The following WNK1 variants were observed in gnomAD, a reference collection of about 807,000 sequenced individuals.
WNK1 encodes the protein WNK lysine deficient protein kinase 1.
A neutral mutation model predicts 222.8 loss-of-function variants in WNK1; 38 were observed. The ratio of observed to expected loss-of-function variants is 0.17; its 90% confidence interval spans 0.13 to 0.22. The LOEUF (loss-of-function observed/expected upper bound fraction) is 0.22, where lower values mean the gene tolerates loss of function less well. Among genes scored for constraint, WNK1 ranks in the 10% least tolerant of loss-of-function variants. The pLI, the probability that WNK1 is intolerant of heterozygous loss-of-function variation, is 1.00. For synonymous variants in WNK1, 1,090 were observed against 1,092.9 expected (o/e 1.00, Z 0.05); for missense variants, 2,348 against 2,918.4 (o/e 0.80, Z 4.50).
At chr12:878,793 T>TTTTTTTTTTTTTGAGATGGAG (rs1232396400) in intron 10 of WNK1, among the ~76,000 whole-genome samples, 1 of 151,578 alleles carries the variant, frequency 6.6e-6, no homozygotes, top group Non-Finnish European at 1.5e-5. Flanking sequence ...ATGTTTTTTT[T>TTTTTTTTTTTTTGAGATGGAG]TCTTAAGTAG....
chr12:775,831 G>T (rs1430737818), intron 1 of WNK1, among the ~76,000 whole-genome samples: 2 of 152,116 alleles, frequency 1.3e-5, no homozygotes, highest in East Asian at 1.9e-4. Context: ...CCTGAATGAG[G>T]TATCAGTCCC....
chr12:827,515 C>A lies in WNK1; in HGVS notation c.1153+253C>A. ...TTGTTGATAAAACCTAATGTAATAGCCTTTTTTGTTGTTGTTGTTGTTGTT... is the reference window on the plus strand; with the variant it reads ...TTGTTGATAAAACCTAATGTAATAGACTTTTTTGTTGTTGTTGTTGTTGTT... On this transcript the variant is annotated intron_variant, in intron 3 of 27. Coordinates refer to ENST00000315939, the MANE Select transcript of WNK1 (RefSeq NM_018979.4). The surrounding 1 kb of genome is among the most constrained non-coding windows in gnomAD (Gnocchi z 4.6). The A allele has an allele frequency of 3.9e-6, 2 of 516,834 alleles. No individual in the cohort carries two copies. Among genetic ancestry groups the A allele is most frequent in the East Asian group, 3.1e-5 (1 of 32,524 alleles). 32.0% of individuals were successfully genotyped at this position (516,834 alleles called of 1,614,324 possible).
chr12:869,023 C>A (rs1448789981), intron 8 of WNK1: 1 of 1,611,674 alleles, frequency 6.2e-7, no homozygotes, highest in African/African-American at 1.3e-5. Context: ...CCCCACTTTT[C>A]TTCTGTTTCC....
intron 1 of WNK1, among the ~76,000 whole-genome samples, chr12:801,008 C>T (rs1039835440): frequency 6.6e-6 from 1 of 152,140 alleles, no homozygotes; most frequent in Non-Finnish European, 1.5e-5. Context: ...GGTATTGGTT[C>T]CTTTCTCAGG....
In WNK1 at chr12:752,916, C is replaced by T. The variant is rs955173865; in HGVS notation, c.-650C>T. ...GCCCGCTCCTCAGGCGCCGAGGCTC[C>T]GAGGCTCCGGCCCTTCGCCTCTGGG... On this transcript the variant is annotated 5_prime_UTR_variant, in exon 1 of 28. Transcript: ENST00000315939. The T allele has an allele frequency of 6.6e-6, 1 of 152,144 alleles. No individual in the cohort carries two copies. The highest frequency in any genetic ancestry group is 2.4e-5 in the African/African-American group (1 of 41,434). 9.4% of individuals were successfully genotyped at this position (152,144 alleles called of 1,614,324 possible). A position where few individuals can be genotyped will look rare whatever the true frequency, so the allele number is the denominator to read the frequency against.
chr12:879,515 T>TTTTTTTTTTTTTTTTTTTTTTTTTTTTC, intron 10 of WNK1, 58 bp from the exon 11 acceptor site: 1 of 144,642 alleles, frequency 6.9e-6, no homozygotes, highest in Non-Finnish European at 1.1e-5. Context: ...CAGCCTTGCT[T>TTTTTTTTTTTTTTTTTTTTTTTTTTTTC]TTTTTTTTTT....
At position 908,640 on chromosome 12, in the gene WNK1, T is replaced by C. The variant is rs1955898305; in HGVS notation, c.6997T>C (p.Phe2333Leu). 1 of 1,614,032 alleles carries C rather than the reference T, an allele frequency of 6.2e-7. No individual in the cohort carries two copies. Among genetic ancestry groups the C allele is most frequent in the African/African-American group, 1.3e-5 (1 of 74,908 alleles). The change falls in exon 28 of 28, where the codon TTT becomes CTT. Residue 2333 changes from phenylalanine (F) to leucine (L), a missense_variant. Physicochemically the swap from Phe to Leu is conservative, Grantham distance 22. This residue lies in a region of WNK1 where 76 missense variants were observed against 85.7 expected (regional missense o/e 0.89). Transcript: ENST00000315939. Reference sequence around the variant, plus strand: ...GCAGTATGGCTTTCCAGCTACCCCATTTGGCGCTCAATGGAGTGGGACGGG... The same window carrying C: ...GCAGTATGGCTTTCCAGCTACCCCACTTGGCGCTCAATGGAGTGGGACGGG... ...PQQYGFPATPFGAQWSGTGGP... is the reference protein window; with the variant it reads ...PQQYGFPATPLGAQWSGTGGP...
At chr12:787,886 T>A (rs1332378459) in intron 1 of WNK1, among the ~76,000 whole-genome samples, 1 of 152,158 alleles carries the variant, frequency 6.6e-6, no homozygotes, top group African/African-American at 2.4e-5. Flanking sequence ...ATCAGGTTTC[T>A]CCAAGGCAAC....
chr12:877,709 C>A (rs1952757217), intron 9 of WNK1, among the ~76,000 whole-genome samples: 1 of 152,084 alleles, frequency 6.6e-6, no homozygotes, highest in Admixed American at 6.5e-5. Context: ...TATTCCAAAT[C>A]CAGTGCTTTC....
At chr12:813,078 TAAA>T (rs1947049318) in intron 1 of WNK1, among the ~76,000 whole-genome samples, 1 of 151,854 alleles carries the variant, frequency 6.6e-6, no homozygotes, top group Non-Finnish European at 1.5e-5. Context: ...TACAAAAAAT[TAAA>T]AAATTAGCCG....
rs1955968986 is a variant in WNK1 at position 909,931 on chromosome 12, C to T, written c.*1139C>T. Reference sequence around the variant, plus strand: ...CATCAGTGGTTAAAAACAGAAAGTTCTGTTTCGGGAATAGTGAGGAGGGGG... The same window carrying T: ...CATCAGTGGTTAAAAACAGAAAGTTTTGTTTCGGGAATAGTGAGGAGGGGG... On this transcript the variant is annotated 3_prime_UTR_variant, in exon 28 of 28. Transcript: ENST00000315939. The T allele has an allele frequency of 6.6e-6, 1 of 152,184 alleles. No homozygotes were observed. Among genetic ancestry groups the T allele is most frequent in the African/African-American group, 2.4e-5 (1 of 41,410 alleles). The allele number at this position is 152,184 out of a possible 1,614,324, so 9.4% of individuals were successfully genotyped here.
At chr12:790,199 T>C (rs1004392607) in intron 1 of WNK1, among the ~76,000 whole-genome samples, 2 of 152,230 alleles carry the variant, frequency 1.3e-5, no homozygotes, top group Admixed American at 1.3e-4. Context: ...GGGGCTATAG[T>C]AGAATAGAAG....
At chr12:896,033 G>A in intron 23 of WNK1, 38 bp from the exon 24 acceptor site, 1 of 1,613,378 alleles carries the variant, frequency 6.2e-7, no homozygotes, top group South Asian at 1.1e-5. Context: ...ATTGGATATT[G>A]AGAACTTAAG....
chr12:754,948 T>C (rs1939772542), intron 1 of WNK1, among the ~76,000 whole-genome samples: 1 of 152,234 alleles, frequency 6.6e-6, no homozygotes, highest in Admixed American at 6.5e-5. Context: ...CCATTCACTA[T>C]ACAGCGAATA....
intron 4 of WNK1, among the ~76,000 whole-genome samples, chr12:830,376 C>G (rs1050990676): frequency 6.6e-6 from 1 of 152,136 alleles, no homozygotes; most frequent in Non-Finnish European, 1.5e-5. Context: ...CCTGTACCCA[C>G]CTTGCATTCA....
In WNK1 at chr12:753,014, G is replaced by C. The variant is rs562783817; in HGVS notation, c.-552G>C. ...GGAGGAGGCGGCCGCCCGAGTGACC[G>C]GGAGCCGGGCCGCGGCCTTCCCTCG... On this transcript the variant is annotated 5_prime_UTR_variant, in exon 1 of 28. Transcript: ENST00000315939. This position sits in a 1 kb window ranked among gnomAD's most constrained non-coding sequence, Gnocchi z 5.2. 1.3e-5 allele frequency: 2 copies of C among 152,084 alleles called. No individual in the cohort carries two copies. Among genetic ancestry groups the C allele is most frequent in the South Asian group, 2.1e-4 (1 of 4,836 alleles). The allele number at this position is 152,084 out of a possible 1,614,324, so 9.4% of individuals were successfully genotyped here. A position where few individuals can be genotyped will look rare whatever the true frequency, so the allele number is the denominator to read the frequency against.
intron 8 of WNK1, chr12:864,970 T>TAA: frequency 1.4e-6 from 1 of 733,874 alleles, no homozygotes; most frequent in South Asian, 2.2e-5. Flanking sequence ...ATAGCTCTCC[T>TAA]CAAAAAAAAA....
chr12:868,364 A>C, intron 8 of WNK1: 1 of 1,613,954 alleles, frequency 6.2e-7, no homozygotes, highest in Admixed American at 1.7e-5. Flanking sequence ...AAGTCCTATG[A>C]AACAGATACC....
intron 26 of WNK1, among the ~76,000 whole-genome samples, chr12:903,775 A>C (rs1416448347): frequency 3.3e-5 from 5 of 152,208 alleles, no homozygotes; most frequent in African/African-American, 1.2e-4. Context: ...GAAAGGAAAC[A>C]GGTACTTGAA....
Sources: allele counts gnomAD v4.1 joint callset (sites outside exome capture counted in the v4.1 genomes callset), GRCh38; gene constraint gnomAD v4.1.1; regional missense constraint gnomAD v4.1.1; non-coding constraint Gnocchi (gnomAD v3.1); transcripts MANE v1.5; gene names NCBI Gene and HGNC (gene_info 2026-07-23, HGNC 2026-07-21).